The following CCDC6 variants were observed in gnomAD, a reference collection of about 807,000 sequenced individuals.
CCDC6 encodes coiled-coil domain containing 6.
In CCDC6, 20 loss-of-function variants were observed where a neutral mutation model predicts 56.6. That is an observed-to-expected ratio of 0.35 (90% CI 0.25 to 0.51). CCDC6 has a LOEUF of 0.51. CCDC6 is among the 20% of genes least tolerant of loss of function. CCDC6 has a pLI of 0.95. For missense variants in CCDC6, 367 were observed against 601.1 expected (o/e 0.61, Z 4.07); for synonymous variants, 241 against 234.4 (o/e 1.03, Z -0.26).
At chr10:59,800,480 T>C (rs758848113) in intron 7 of CCDC6, among the ~76,000 whole-genome samples, 6 of 152,258 alleles carry the variant, frequency 3.9e-5, no homozygotes, top group South Asian at 2.1e-4. Flanking sequence ...TAAGTGTCAA[T>C]AGTTAATCTG....
chr10:59,902,052 A>G (rs1404890732), intron 1 of CCDC6, among the ~76,000 whole-genome samples: 1 of 152,224 alleles, frequency 6.6e-6, no homozygotes, highest in Non-Finnish European at 1.5e-5. Context: ...TTAAGCCCCA[A>G]ATAAAATGGC....
At chr10:59,899,159 A>G (rs542161858) in intron 1 of CCDC6, among the ~76,000 whole-genome samples, 2 of 152,210 alleles carry the variant, frequency 1.3e-5, no homozygotes, top group African/African-American at 2.4e-5. Flanking sequence ...CCTCACAATT[A>G]AAAATATTTT....
intron 2 of CCDC6, among the ~76,000 whole-genome samples, chr10:59,841,969 T>C (rs1036015049): frequency 7.3e-5 from 11 of 150,934 alleles, no homozygotes; most frequent in Admixed American, 7.2e-4. Context: ...CCCGACCCCA[T>C]GTCTTGTTCT....
rs1340732755 is a variant in CCDC6, at chr10:59,789,101, A to G, written c.*3816T>C. 1 of 227,702 alleles carries G rather than the reference A, an allele frequency of 4.4e-6. No homozygotes were observed. The allele number at this position is 227,702 out of a possible 1,614,324, so 14.1% of individuals were successfully genotyped here. On this transcript the variant is annotated 3_prime_UTR_variant, in exon 9 of 9. Transcript: ENST00000263102. ...AAGTCCAAAGAAGGCTCAGGGGTCA[A>G]CCTGACCAGATACTCTTCTGGAGGA... is the stretch of plus-strand genomic sequence containing the variant.
At chr10:59,853,451 T>C (rs1432356111) in intron 1 of CCDC6, among the ~76,000 whole-genome samples, 1 of 151,960 alleles carries the variant, frequency 6.6e-6, no homozygotes, top group Non-Finnish European at 1.5e-5. Flanking sequence ...AGAGGATCAC[T>C]TGAACCCGGA....
intron 1 of CCDC6, among the ~76,000 whole-genome samples, chr10:59,881,576 G>A (rs2071335247): frequency 6.6e-6 from 1 of 152,144 alleles, no homozygotes; most frequent in South Asian, 2.1e-4. Flanking sequence ...TTGCATAAAT[G>A]TGTAAGATTT....
chr10:59,892,452 G>A (rs1474941141), intron 1 of CCDC6, among the ~76,000 whole-genome samples: 1 of 152,158 alleles, frequency 6.6e-6, no homozygotes, highest in Non-Finnish European at 1.5e-5. Context: ...AGAAACATGG[G>A]TCGTTAGAAG....
intron 3 of CCDC6, among the ~76,000 whole-genome samples, chr10:59,825,339 C>T (rs1025327101): frequency 6.6e-6 from 1 of 152,226 alleles, no homozygotes; most frequent in Non-Finnish European, 1.5e-5. Context: ...TCTTCATTCT[C>T]TCTTTGCCTA....
At chr10:59,869,982 G>C (rs2071214313) in intron 1 of CCDC6, among the ~76,000 whole-genome samples, 1 of 152,088 alleles carries the variant, frequency 6.6e-6, no homozygotes, top group African/African-American at 2.4e-5. Flanking sequence ...AGATCCCCCT[G>C]AAGAGGCTGT....
chr10:59,886,818 C>G (rs936870481), intron 1 of CCDC6, among the ~76,000 whole-genome samples: 9 of 152,036 alleles, frequency 5.9e-5, no homozygotes, highest in Non-Finnish European at 1.3e-4. Flanking sequence ...CAAAGACAAA[C>G]AAGAAAGGAT....
intron 1 of CCDC6, among the ~76,000 whole-genome samples, chr10:59,866,418 A>C (rs945578234): frequency 4.6e-5 from 7 of 152,244 alleles, no homozygotes; most frequent in African/African-American, 1.7e-4. Context: ...CTGGCACATA[A>C]GCATCCAAAC....
intron 1 of CCDC6, among the ~76,000 whole-genome samples, chr10:59,886,162 A>G (rs973678101): frequency 6.6e-6 from 1 of 152,220 alleles, no homozygotes; most frequent in African/African-American, 2.4e-5. Context: ...GGGGAAATGG[A>G]AAATACTGCA....
At chr10:59,885,818 C>T (rs757479250) in intron 1 of CCDC6, among the ~76,000 whole-genome samples, 6 of 151,910 alleles carry the variant, frequency 3.9e-5, no homozygotes, top group Non-Finnish European at 7.4e-5. Flanking sequence ...CTGGTTCCCC[C>T]CATCATATCC....
intron 1 of CCDC6, among the ~76,000 whole-genome samples, chr10:59,895,252 T>A (rs1193476626): frequency 1.3e-5 from 2 of 152,092 alleles, no homozygotes; most frequent in East Asian, 3.9e-4. Flanking sequence ...CAGTCAACAA[T>A]GATGGCACCA....
At chr10:59,854,519 A>T (rs1028734722) in intron 1 of CCDC6, among the ~76,000 whole-genome samples, 2 of 152,196 alleles carry the variant, frequency 1.3e-5, no homozygotes, top group African/African-American at 4.8e-5. Context: ...CCTTCAGCTA[A>T]TAAATCTGTA....
intron 2 of CCDC6, among the ~76,000 whole-genome samples, chr10:59,842,750 ATTT>A (rs3043541): frequency 5.9e-4 from 68 of 115,526 alleles, no homozygotes; most frequent in African/African-American, 2.0e-3. Context: ...ATGGAAGACA[ATTT>A]TTTTTTTTTT....
In CCDC6 at chr10:59,803,380, T is replaced by G. The variant is rs1175508571; in HGVS notation, c.1105+1040A>C. 2.0e-5 allele frequency among the ~76,000 whole-genome samples: 3 copies of G among 152,182 alleles called. No individual in the cohort carries two copies. The East Asian group carries it at 5.8e-4, about 29-fold the overall frequency. On this transcript the variant is annotated intron_variant, in intron 7 of 8. Coordinates refer to ENST00000263102, the MANE Select transcript of CCDC6 (RefSeq NM_005436.5). ...AACTTTTGTTATCCTGATGCAACGCTGTTTTACTTTATAAAAACTTTATGC... is the reference window on the plus strand; with the variant it reads ...AACTTTTGTTATCCTGATGCAACGCGGTTTTACTTTATAAAAACTTTATGC...
chr10:59,895,126 A>T (rs1332394689), intron 1 of CCDC6, among the ~76,000 whole-genome samples: 1 of 152,012 alleles, frequency 6.6e-6, no homozygotes, highest in Non-Finnish European at 1.5e-5. Context: ...ACATAGTAAG[A>T]CCCTCTATAA....
At chr10:59,894,451 T>C (rs1339981421) in intron 1 of CCDC6, among the ~76,000 whole-genome samples, 1 of 152,198 alleles carries the variant, frequency 6.6e-6, no homozygotes, top group Non-Finnish European at 1.5e-5. Context: ...GCCTGCGCTC[T>C]CTAACTCTGC....
Sources: gnomAD v4.1 joint callset for allele counts (sites outside exome capture counted in the v4.1 genomes callset) on GRCh38, gnomAD v4.1.1 for gene constraint, MANE v1.5 for transcripts, NCBI Gene and HGNC (gene_info 2026-07-23, HGNC 2026-07-21) for gene names.